The following CPOX variants were observed in gnomAD, a reference collection of about 807,000 sequenced individuals.
CPOX encodes the protein coproporphyrinogen oxidase.
CPOX carries 24 observed loss-of-function variants against 48.9 expected under a neutral mutation model. The observed-to-expected ratio is 0.49, with a 90% confidence interval of 0.36 to 0.69. The LOEUF is 0.69. CPOX is among the 30% of genes least tolerant of loss of function. The probability of loss-of-function intolerance (pLI) is 0.00; values close to 1 mark genes in which losing one functional copy is unlikely to be tolerated. For missense variants in CPOX, 549 were observed against 597.3 expected (o/e 0.92, Z 0.84); for synonymous variants, 249 against 234.6 (o/e 1.06, Z -0.56).
intron 3 of CPOX, chr3:98,590,388 A>G: frequency 2.0e-6 from 1 of 509,184 alleles, no homozygotes. Context: ...ACCTCAGGTG[A>G]TCTGCCCACC....
At position 98,580,473 on chromosome 3, in the gene CPOX, A is replaced by G; in HGVS notation, c.*210T>C. ...TAAAATGACACTAGAAGTATAAATG[A>G]GGTTTAATCAATTGACTCTGACAAT... On this transcript the variant is annotated 3_prime_UTR_variant, in exon 7 of 7. Transcript: ENST00000647941. 1 of 1,401,756 alleles carries G rather than the reference A, an allele frequency of 7.1e-7. No individual in the cohort carries two copies. The highest frequency in any genetic ancestry group is 2.7e-5 in the East Asian group (1 of 37,158). The allele number at this position is 1,401,756 out of a possible 1,614,324, so 86.8% of individuals were successfully genotyped here. A position where few individuals can be genotyped will look rare whatever the true frequency, so the allele number is the denominator to read the frequency against.
rs1036236991 is a variant in CPOX at position 98,585,834 on chromosome 3, A to G, written c.954-175T>C. On this transcript the variant is annotated intron_variant, in intron 4 of 6. Transcript: ENST00000647941. ...CTTTAGACAGATAGATTTTTTGCAG[A>G]TATCACCAAGGTAGAAAATGCTTAT... The G allele has an allele frequency of 2.9e-5, 19 of 663,624 alleles. No homozygotes were observed. The African/African-American group carries it at 3.1e-4, about 11-fold the overall frequency. The allele number at this position is 663,624 out of a possible 1,614,324, so 41.1% of individuals were successfully genotyped here.
rs146502118 is a variant in CPOX at position 98,589,174 on chromosome 3, T to G, written c.812-320A>C. ...TCGTTGCTACTAAAAATACAAAACA[T>G]AGCCGGGTGTGGTGGTCACCTATAA... On this transcript the variant is annotated intron_variant, in intron 3 of 6. Coordinates refer to ENST00000647941, the MANE Select transcript of CPOX (RefSeq NM_000097.7). 4.3e-3 allele frequency among the ~76,000 whole-genome samples: 655 copies of G among 151,950 alleles called. 7 individuals are homozygous for G. The highest frequency in any genetic ancestry group is 0.015 in the African/African-American group (619 of 41,470).
downstream of CPOX, chr3:98,578,340 C>A (rs1576295680): frequency 2.2e-6 from 1 of 453,516 alleles, no homozygotes; most frequent in South Asian, 9.5e-5. Context: ...ACTAAATAGG[C>A]TAGCATTTTA....
the CPOX span, among the ~76,000 whole-genome samples, chr3:98,571,323 T>C: frequency 6.6e-6 from 1 of 152,206 alleles, no homozygotes; most frequent in Non-Finnish European, 1.5e-5. Flanking sequence ...GGTTGTCTTG[T>C]AAAATTTCTT....
the CPOX span, among the ~76,000 whole-genome samples, chr3:98,571,949 A>G: frequency 2.0e-5 from 3 of 152,204 alleles, no homozygotes; most frequent in South Asian, 6.2e-4. Context: ...GTTTTTTAAA[A>G]TTTCTTATGG....
chr3:98,575,490 T>C (rs185838878), downstream of CPOX, among the ~76,000 whole-genome samples: 15 of 152,340 alleles, frequency 9.8e-5, no homozygotes, highest in East Asian at 2.7e-3. Flanking sequence ...TTAGTGAATA[T>C]CCAGTATAAA....
chr3:98,574,396 A>G, the CPOX span, among the ~76,000 whole-genome samples: 3 of 152,178 alleles, frequency 2.0e-5, no homozygotes. Context: ...CATATCTCCC[A>G]CACATTACTA....
chr3:98,591,286 A>G (rs1707474618), intron 1 of CPOX, 131 bp from the exon 2 acceptor site: 2 of 957,728 alleles, frequency 2.1e-6, no homozygotes, highest in African/African-American at 3.3e-5. Context: ...TTTTATGTAC[A>G]ATACAATTAG....
At chr3:98,584,367 A>G (rs527787544) in intron 5 of CPOX, among the ~76,000 whole-genome samples, 17 of 152,276 alleles carry the variant, frequency 1.1e-4, no homozygotes, top group South Asian at 4.1e-4. Context: ...TATATTTAAG[A>G]AATTATGGAA....
At chr3:98,579,371 G>T, downstream of CPOX, 2 of 475,412 alleles carry the variant, frequency 4.2e-6, no homozygotes, top group Non-Finnish European at 5.5e-6. Flanking sequence ...CCCTAATGTT[G>T]TTCAAGGATC....
In CPOX at chr3:98,581,277, C is replaced by T. The variant is rs1707253843; in HGVS notation, c.1277+130G>A. On this transcript the variant is annotated intron_variant, in intron 6 of 6. Transcript: ENST00000647941. ...ATTTGCCTTATTTGACTGTGATTTT[C>T]TTATAAAATCAGCAAAGTCAAAACT... 1.5e-5 allele frequency: 11 copies of T among 732,346 alleles called. No homozygotes were observed. The South Asian group carries it at 1.7e-4, about 11-fold the overall frequency. 45.4% of individuals were successfully genotyped at this position (732,346 alleles called of 1,614,324 possible).
In CPOX at chr3:98,583,294, T is replaced by C. The variant is rs3804625; in HGVS notation, c.1173-1783A>G. ...TTCCTGGTATAGATCTGATATTCTA[T>C]ATATTCTTCTTTCTTAAAGTAGTTA... On this transcript the variant is annotated intron_variant, in intron 5 of 6. Transcript: ENST00000647941. Among the ~76,000 whole-genome samples the C allele has an allele frequency of 8.5e-4, 129 of 152,344 alleles. 1 individual carries two copies. In the East Asian group the frequency reaches 0.021, roughly 25 times the overall value.
Position 98,592,956 on chromosome 3 carries a change from C to T in CPOX, c.549G>A (p.Arg183=), listed in dbSNP as rs912963117. The T allele has an allele frequency of 6.2e-7, 1 of 1,612,638 alleles. No homozygotes were observed. Among genetic ancestry groups the T allele is most frequent in the Non-Finnish European group, 8.5e-7 (1 of 1,179,532 alleles). The stretch of plus-strand genomic sequence containing the variant: ...AGGGGCCGGCCTCCTTACCTTCCTT[C>T]CTCTCCCACCGGTCCACAGAAAAGT... The part of the protein sequence containing the change: ...GANFSVDRWE[R]KEGGGGISCV... The change falls in exon 1 of 7, where the codon AGG becomes AGA. Residue 183 remains arginine (R), a synonymous_variant. Transcript: ENST00000647941.
chr3:98,572,653 T>A, the CPOX span, among the ~76,000 whole-genome samples: 1 of 152,218 alleles, frequency 6.6e-6, no homozygotes, highest in Non-Finnish European at 1.5e-5. Context: ...GTATTTAACA[T>A]CTTCATTCTC....
At position 98,580,046 on chromosome 3, in the gene CPOX, A is replaced by G. The variant is rs1707223712; in HGVS notation, c.*637T>C. On this transcript the variant is annotated 3_prime_UTR_variant, in exon 7 of 7. Coordinates refer to ENST00000647941, the MANE Select transcript of CPOX (RefSeq NM_000097.7). The stretch of plus-strand genomic sequence containing the variant: ...ACTTAGACATCTCTAAAATAATAGT[A>G]ATGTCACTTTAGAGTTTACAAACTA... 2.2e-5 allele frequency: 22 copies of G among 982,630 alleles called. No individual in the cohort carries two copies. The highest frequency in any genetic ancestry group is 2.5e-5 in the Non-Finnish European group (21 of 826,980). The allele number at this position is 982,630 out of a possible 1,614,324, so 60.9% of individuals were successfully genotyped here. A position where few individuals can be genotyped will look rare whatever the true frequency, so the allele number is the denominator to read the frequency against.
Position 98,590,755 on chromosome 3 carries a change from A to G in CPOX, c.701-13T>C. On this transcript the variant is annotated splice_polypyrimidine_tract_variant and intron_variant, in intron 2 of 6. Coordinates refer to ENST00000647941, the MANE Select transcript of CPOX (RefSeq NM_000097.7). ...AATGGCAATTTACCTGGAAAGTAAA[A>G]TATGAGTCATGAGCTATATTCAGTT... The G allele has an allele frequency of 6.4e-7, 1 of 1,560,878 alleles. No individual in the cohort carries two copies. Among genetic ancestry groups the G allele is most frequent in the Non-Finnish European group, 8.8e-7 (1 of 1,131,722 alleles).
Position 98,579,631 on chromosome 3 carries a change from A to C in CPOX, c.*1052T>G, listed in dbSNP as rs1707213713. ...ACGAAGCAAATAAAATAATACATTC[A>C]TAATATATGAACAAAGAAATCATAC... is the stretch of plus-strand genomic sequence containing the variant. On this transcript the variant is annotated 3_prime_UTR_variant, in exon 7 of 7. Coordinates refer to ENST00000647941, the MANE Select transcript of CPOX (RefSeq NM_000097.7). The C allele has an allele frequency of 1.0e-6, 1 of 983,156 alleles. No individual in the cohort carries two copies. Among genetic ancestry groups the C allele is most frequent in the East Asian group, 1.1e-4 (1 of 8,818 alleles). 60.9% of individuals were successfully genotyped at this position (983,156 alleles called of 1,614,324 possible). A position where few individuals can be genotyped will look rare whatever the true frequency, so the allele number is the denominator to read the frequency against.
At chr3:98,587,012 A>G (rs1329113707) in intron 4 of CPOX, among the ~76,000 whole-genome samples, 6 of 152,240 alleles carry the variant, frequency 3.9e-5, no homozygotes, top group Admixed American at 2.0e-4. Context: ...AACTTGTAAA[A>G]TAGTTTATAT....
Sources: gnomAD v4.1 joint callset for allele counts (sites outside exome capture counted in the v4.1 genomes callset) on GRCh38, gnomAD v4.1.1 for gene constraint, MANE v1.5 for transcripts, NCBI Gene and HGNC (gene_info 2026-07-23, HGNC 2026-07-21) for gene names.